The following IL4R variants were observed in gnomAD, a reference collection of about 807,000 sequenced individuals.
The protein encoded by IL4R is interleukin-4 receptor subunit alpha.
IL4R carries 17 observed loss-of-function variants against 41.5 expected under a neutral mutation model. The ratio of observed to expected loss-of-function variants is 0.41; its 90% CI spans 0.28 to 0.61. The LOEUF (loss-of-function observed/expected upper bound fraction) is 0.61, where lower values mean the gene tolerates loss of function less well. Ranked by LOEUF, IL4R falls within the 20% of genes least tolerant of loss-of-function variation. The pLI is 0.31. For missense variants in IL4R, 974 were observed against 1,043.1 expected (o/e 0.93, Z 0.91); for synonymous variants, 402 against 422.9 (o/e 0.95, Z 0.61).
chr16:27,363,843 T>C lies in IL4R; in HGVS notation c.*13T>C, dbSNP rs759555890. 5 of 1,592,854 alleles carry C rather than the reference T, an allele frequency of 3.1e-6. No individual in the cohort carries two copies. Among genetic ancestry groups the C allele is most frequent in the Non-Finnish European group, 4.3e-6 (5 of 1,175,272 alleles). ...GAGGGTCTCTTAGGTGCATGTCCTC[T>C]TGTTGCTGAGTCTGCAGATGAGGAC... is the stretch of plus-strand genomic sequence containing the variant. On this transcript the variant is annotated 3_prime_UTR_variant, in exon 11 of 11. Transcript: ENST00000395762.
chr16:27,341,209 A>G (rs557277140), intron 3 of IL4R: 6 of 690,148 alleles, frequency 8.7e-6, no homozygotes, highest in South Asian at 7.6e-5. Context: ...GAGGTGAAAG[A>G]CAGAGAAAGA....
At chr16:27,355,596 TGGA>T (rs2086036170) in intron 7 of IL4R, 2 of 513,528 alleles carry the variant, frequency 3.9e-6, no homozygotes, top group Admixed American at 7.2e-5. Context: ...CACTGAGCTT[TGGA>T]GGAGCAGGGG....
At chr16:27,337,991 C>T (rs2085311868) in intron 2 of IL4R, among the ~76,000 whole-genome samples, 1 of 146,522 alleles carries the variant, frequency 6.8e-6, no homozygotes, top group Non-Finnish European at 1.5e-5. Context: ...GAGTCTCACT[C>T]TGTCACCCAG....
chr16:27,335,170 G>A (rs1220864751), intron 2 of IL4R, among the ~76,000 whole-genome samples: 1 of 152,114 alleles, frequency 6.6e-6, no homozygotes, highest in Non-Finnish European at 1.5e-5. Flanking sequence ...CTCAGGAATT[G>A]TTTCAGGGAG....
chr16:27,324,069 A>G (rs1178500328), intron 1 of IL4R, among the ~76,000 whole-genome samples: 1 of 152,202 alleles, frequency 6.6e-6, no homozygotes, highest in African/African-American at 2.4e-5. Flanking sequence ...GGCCCAGGGC[A>G]TGGCCTCTCA....
At chr16:27,330,756 C>G (rs938073628) in intron 2 of IL4R, among the ~76,000 whole-genome samples, 1 of 152,096 alleles carries the variant, frequency 6.6e-6, no homozygotes, top group Non-Finnish European at 1.5e-5. Flanking sequence ...TTTCCATTTC[C>G]ATGGTTATGT....
chr16:27,362,451 G>T lies in IL4R; in HGVS notation c.1099G>T (p.Ala367Ser), dbSNP rs2086329986. The change falls in exon 11 of 11, where the codon GCC becomes TCC. Residue 367 changes from alanine to serine, a missense_variant. Transcript: ENST00000395762. ...GGTGCGATGTGTGGAGTTGTTTGAG[G>T]CCCCGGTGGAGTGTGAGGAGGAGGA... The part of the protein sequence containing the change: ...SVVRCVELFE[A>S]PVECEEEEEV... 5.6e-6 allele frequency: 9 copies of T among 1,614,050 alleles called. No homozygotes were observed. The highest frequency in any genetic ancestry group is 7.6e-6 in the Non-Finnish European group (9 of 1,180,036).
upstream of IL4R, chr16:27,313,855 G>A: frequency 1.1e-6 from 1 of 919,848 alleles, no homozygotes; most frequent in East Asian, 1.2e-4. Context: ...GGGCGGGGCG[G>A]CGCATGCAAA....
chr16:27,336,382 G>A (rs1018305071), intron 2 of IL4R, among the ~76,000 whole-genome samples: 4 of 152,082 alleles, frequency 2.6e-5, no homozygotes, highest in East Asian at 1.9e-4. Context: ...AAAAGCACGC[G>A]TAAGGGAGGA....
At chr16:27,315,056 A>G (rs1217862727) in intron 1 of IL4R, among the ~76,000 whole-genome samples, 1 of 152,072 alleles carries the variant, frequency 6.6e-6, no homozygotes, top group East Asian at 1.9e-4. Flanking sequence ...GGTTCAAGGA[A>G]TGCCCCCAGG....
At chr16:27,329,778 C>T (rs2085062894) in intron 1 of IL4R, among the ~76,000 whole-genome samples, 1 of 152,084 alleles carries the variant, frequency 6.6e-6, no homozygotes, top group Non-Finnish European at 1.5e-5. Flanking sequence ...TACATGTAAC[C>T]TCATTAATCT....
intron 2 of IL4R, among the ~76,000 whole-genome samples, chr16:27,335,319 G>C (rs1281755848): frequency 6.6e-6 from 1 of 152,110 alleles, no homozygotes; most frequent in African/African-American, 2.4e-5. Context: ...AAGTTTTGCA[G>C]GGAGTTACTT....
In IL4R at chr16:27,348,311, G is replaced by T. The variant is rs368832197; in HGVS notation, c.513+1693G>T. Among the ~76,000 whole-genome samples, 79 of 152,156 alleles carry T rather than the reference G, an allele frequency of 5.2e-4. 4 individuals carry two copies. The East Asian group carries it at 0.011, about 21-fold the overall frequency. On this transcript the variant is annotated intron_variant, in intron 6 of 10. Transcript: ENST00000395762. Reference sequence around the variant, plus strand: ...TAGAGAGTGGGGCAAGTTTTGTTTGGTCAATAAATCTCCTTCTCATGCCCC... The same window carrying T: ...TAGAGAGTGGGGCAAGTTTTGTTTGTTCAATAAATCTCCTTCTCATGCCCC...
At chr16:27,361,671 A>C (rs1395809431) in intron 10 of IL4R, among the ~76,000 whole-genome samples, 1 of 143,774 alleles carries the variant, frequency 7.0e-6, no homozygotes, top group Non-Finnish European at 1.5e-5. Flanking sequence ...GCTGGAGTGC[A>C]GTGATTCACT....
At chr16:27,357,504 A>G (rs1425892831) in intron 8 of IL4R, among the ~76,000 whole-genome samples, 1 of 152,008 alleles carries the variant, frequency 6.6e-6, no homozygotes, top group Non-Finnish European at 1.5e-5. Context: ...AGTCTCAAAA[A>G]CCAAGCTGGA....
chr16:27,360,369 C>G (rs56381206), intron 9 of IL4R, among the ~76,000 whole-genome samples: 8 of 152,228 alleles, frequency 5.3e-5, no homozygotes, highest in Admixed American at 3.9e-4. Flanking sequence ...GTGCCTCTCA[C>G]TCTCCAGCAG....
chr16:27,353,735 G>A (rs1187078010), intron 7 of IL4R, among the ~76,000 whole-genome samples: 1 of 152,186 alleles, frequency 6.6e-6, no homozygotes, highest in Non-Finnish European at 1.5e-5. Flanking sequence ...CTGGGCTCCA[G>A]TGATCTTCCC....
rs774110595 is a variant in IL4R at position 27,345,953 on chromosome 16, CAG to C, written c.362-511_362-510del. ...TGCTACTGCCCTCCAGCCTGGGCGA[CAG>C]AGTGAGATTACGTCTCAAAAAAATA... On this transcript the variant is annotated intron_variant, in intron 5 of 10. Coordinates refer to ENST00000395762, the MANE Select transcript of IL4R (RefSeq NM_000418.4). The surrounding 1 kb of genome is among the most constrained non-coding windows in gnomAD (Gnocchi z 4.5). Among the ~76,000 whole-genome samples the C allele has an allele frequency of 1.2e-4, 18 of 152,244 alleles. No homozygotes were observed. Among genetic ancestry groups the C allele is most frequent in the South Asian group, 2.1e-4 (1 of 4,822 alleles).
chr16:27,364,043 A>C lies in IL4R; in HGVS notation c.*213A>C, dbSNP rs2086413385. ...CATTGGGCTGGGCTCGCCACATCCC[A>C]TGAGAGTAGAGGGCACTGGGTCGCC... On this transcript the variant is annotated 3_prime_UTR_variant, in exon 11 of 11. Transcript: ENST00000395762. The C allele has an allele frequency of 1.7e-6, 1 of 592,200 alleles. No homozygotes were observed. Among genetic ancestry groups the C allele is most frequent in the African/African-American group, 1.9e-5 (1 of 53,664 alleles). 36.7% of individuals were successfully genotyped at this position (592,200 alleles called of 1,614,324 possible). A position where few individuals can be genotyped will look rare whatever the true frequency, so the allele number is the denominator to read the frequency against.
Sources: gnomAD v4.1 joint callset for allele counts (sites outside exome capture counted in the v4.1 genomes callset) on GRCh38, gnomAD v4.1.1 for gene constraint, Gnocchi (gnomAD v3.1) non-coding constraint, MANE v1.5 for transcripts, NCBI Gene and HGNC (gene_info 2026-07-23, HGNC 2026-07-21) for gene names.